Variants in ELFN1 observed in about 807,000 individuals in gnomAD.
ELFN1 encodes protein ELFN1.
Under a neutral mutation model 7.6 loss-of-function variants are expected in ELFN1, and 6 were observed. The ratio of observed to expected loss-of-function variants is 0.79; its 90% CI spans 0.43 to 1.56. The LOEUF is 1.56. ELFN1 is among the 40% of genes most tolerant of loss of function. The pLI is 0.01. For missense variants in ELFN1, 1,169 were observed against 1,232.2 expected, an observed-to-expected ratio of 0.95 and a Z score of 0.77; for synonymous variants, 657 against 588.1, an observed-to-expected ratio of 1.12 and a Z score of -1.70.
chr7:1,679,353 C>A (rs371483298), intron 1 of ELFN1, among the ~76,000 whole-genome samples: 1 of 152,160 alleles, frequency 6.6e-6, no homozygotes, highest in Non-Finnish European at 1.5e-5. Context: ...CCCCTCCCTG[C>A]AGGAGGCTCT....
chr7:1,731,706 C>T, intron 3 of ELFN1, among the ~76,000 whole-genome samples: 1 of 152,184 alleles, frequency 6.6e-6, no homozygotes, highest in African/African-American at 2.4e-5. Flanking sequence ...GGCTGGGGTG[C>T]AGTGGTGCGA....
chr7:1,717,411 G>C (rs950150682), intron 3 of ELFN1, among the ~76,000 whole-genome samples: 1 of 152,216 alleles, frequency 6.6e-6, no homozygotes, highest in African/African-American at 2.4e-5. Flanking sequence ...TTGCTCAGCT[G>C]ACACGCTGAG....
intron 3 of ELFN1, among the ~76,000 whole-genome samples, chr7:1,717,873 G>A (rs78706194): frequency 8.5e-5 from 13 of 152,172 alleles, no homozygotes; most frequent in East Asian, 3.8e-4. Flanking sequence ...CCCCCTATGC[G>A]CAGAGTACCT....
chr7:1,705,028 C>CA lies in ELFN1; in HGVS notation c.-455-4062dup, dbSNP rs1250620611. ...GCGAGAGGCTCCCAGGCAGAGGGCACAGCAAGTGCAGAGGGCAGAGGTGGA... is the reference window on the plus strand; with the variant it reads ...GCGAGAGGCTCCCAGGCAGAGGGCACAAGCAAGTGCAGAGGGCAGAGGTGGA... On this transcript the variant is annotated intron_variant, in intron 2 of 3. Coordinates refer to ENST00000424383, the MANE Select transcript of ELFN1 (RefSeq NM_001128636.4). The surrounding 1 kb of genome is among the most constrained non-coding windows in gnomAD (Gnocchi z 4.3). Among the ~76,000 whole-genome samples, 1 of 152,142 alleles carries CA rather than the reference C, an allele frequency of 6.6e-6. No individual in the cohort carries two copies. The highest frequency in any genetic ancestry group is 2.4e-5 in the African/African-American group (1 of 41,444).
chr7:1,670,310 G>T lies in ELFN1; in HGVS notation c.-593G>T, dbSNP rs1778738115. On this transcript the variant is annotated 5_prime_UTR_variant, in exon 1 of 4. Transcript: ENST00000424383. This position sits in a 1 kb window ranked among gnomAD's most constrained non-coding sequence, Gnocchi z 6.4. ...GAGCGAAGTTAGAGCTTGAAGGACG[G>T]CGGCGGCTGCGGGCGCAGCCCCGGA... Among the ~76,000 whole-genome samples the T allele has an allele frequency of 1.3e-5, 2 of 151,878 alleles. No individual in the cohort carries two copies. The highest frequency in any genetic ancestry group is 4.8e-5 in the African/African-American group (2 of 41,396).
intron 2 of ELFN1, among the ~76,000 whole-genome samples, chr7:1,706,554 C>T (rs1562367685): frequency 6.6e-6 from 1 of 152,252 alleles, no homozygotes; most frequent in Non-Finnish European, 1.5e-5. Context: ...CTGGGCGTGC[C>T]CCCGGCCTTC....
At position 1,674,694 on chromosome 7, in the gene ELFN1, G is replaced by T. The variant is rs573948239; in HGVS notation, c.-549+4340G>T. 3.6e-4 allele frequency among the ~76,000 whole-genome samples: 55 copies of T among 152,256 alleles called. 3 individuals are homozygous for T. The highest frequency in any genetic ancestry group is 2.9e-5 in the Non-Finnish European group (2 of 68,004). Reference sequence around the variant, plus strand: ...TCTGCCAGTTCCAGGACAGACTCGGGCAGCCACAGTGGGAGAGACTGGTGG... The same window carrying T: ...TCTGCCAGTTCCAGGACAGACTCGGTCAGCCACAGTGGGAGAGACTGGTGG... On this transcript the variant is annotated intron_variant, in intron 1 of 3. Transcript: ENST00000424383.
At chr7:1,707,431 G>A (rs955329469) in intron 2 of ELFN1, among the ~76,000 whole-genome samples, 2 of 152,206 alleles carry the variant, frequency 1.3e-5, no homozygotes, top group African/African-American at 4.8e-5. Flanking sequence ...GGAGGCTGGT[G>A]GGCAAACGCC....
intron 3 of ELFN1, among the ~76,000 whole-genome samples, chr7:1,729,765 C>T (rs1346358409): frequency 6.6e-6 from 1 of 152,248 alleles, no homozygotes; most frequent in African/African-American, 2.4e-5. Flanking sequence ...CTGCCTTGAG[C>T]CCCTATTTAC....
chr7:1,688,871 C>G (rs532181376), intron 2 of ELFN1, among the ~76,000 whole-genome samples: 3 of 152,316 alleles, frequency 2.0e-5, no homozygotes, highest in Admixed American at 1.3e-4. Context: ...TCTCTGACCT[C>G]TGGTCACTGC....
In ELFN1 at chr7:1,746,491, C is replaced by A. The variant is rs1371761770; in HGVS notation, c.1895C>A (p.Ala632Asp). 9.1e-5 allele frequency: 136 copies of A among 1,496,546 alleles called. 1 individual carries two copies. The highest frequency in any genetic ancestry group is 1.1e-4 in the Non-Finnish European group (130 of 1,131,208). 92.7% of individuals were successfully genotyped at this position (1,496,546 alleles called of 1,614,324 possible). A position where few individuals can be genotyped will look rare whatever the true frequency, so the allele number is the denominator to read the frequency against. Residue 632 changes from alanine (A) to aspartate (D), a missense_variant, in exon 4 of 4, where the codon GCC becomes GAC. Around this residue, in one of 2 missense-constraint regions of ELFN1, gnomAD observed 914 missense variants for 872.6 expected, o/e 1.05. Coordinates refer to ENST00000424383, the MANE Select transcript of ELFN1 (RefSeq NM_001128636.4). ...HSLQRHHSVEAAGPPRASTSS... is the reference protein window; with the variant it reads ...HSLQRHHSVEDAGPPRASTSS... Reference sequence around the variant, plus strand: ...CTGCAGCGGCACCACAGCGTGGAGGCCGCCGGGCCCCCTCGTGCCAGCACC... The same window carrying A: ...CTGCAGCGGCACCACAGCGTGGAGGACGCCGGGCCCCCTCGTGCCAGCACC...
At chr7:1,736,683 G>A (rs1406039952) in intron 3 of ELFN1, among the ~76,000 whole-genome samples, 2 of 152,136 alleles carry the variant, frequency 1.3e-5, no homozygotes, top group South Asian at 2.1e-4. Context: ...ACCAGGCGCC[G>A]CACACAATCC....
intron 3 of ELFN1, among the ~76,000 whole-genome samples, chr7:1,736,277 C>T (rs1008332199): frequency 3.9e-5 from 6 of 152,196 alleles, no homozygotes; most frequent in East Asian, 1.9e-4. Flanking sequence ...CCGCCTCCCC[C>T]ACACGTCTGG....
chr7:1,693,460 C>T (rs185434984), intron 2 of ELFN1: 16 of 471,212 alleles, frequency 3.4e-5, no homozygotes, highest in African/African-American at 1.8e-4. Flanking sequence ...CTGCCTGGTG[C>T]ACCCAGACAG....
chr7:1,715,393 C>T (rs1051349454), intron 3 of ELFN1, among the ~76,000 whole-genome samples: 13 of 152,282 alleles, frequency 8.5e-5, no homozygotes, highest in African/African-American at 2.9e-4. Context: ...CATAGGAGCC[C>T]GGCACAAGGG....
At chr7:1,707,310 C>A (rs1779555367) in intron 2 of ELFN1, among the ~76,000 whole-genome samples, 1 of 152,262 alleles carries the variant, frequency 6.6e-6, no homozygotes, top group South Asian at 2.1e-4. Context: ...TGCAGGCTGG[C>A]TGCACACGCC....
chr7:1,710,273 G>A (rs927551951), intron 3 of ELFN1, among the ~76,000 whole-genome samples: 2 of 152,156 alleles, frequency 1.3e-5, no homozygotes, highest in African/African-American at 4.8e-5. Flanking sequence ...CATTACATGG[G>A]GGGACAGACA....
At chr7:1,728,300 C>T (rs577097096) in intron 3 of ELFN1, among the ~76,000 whole-genome samples, 1 of 152,372 alleles carries the variant, frequency 6.6e-6, no homozygotes, top group East Asian at 1.9e-4. Flanking sequence ...TGCACCCTTC[C>T]CAGAGGCTCA....
At chr7:1,704,833 G>C (rs1344798486) in intron 2 of ELFN1, among the ~76,000 whole-genome samples, 1 of 152,096 alleles carries the variant, frequency 6.6e-6, no homozygotes, top group Admixed American at 6.5e-5. Context: ...GGTGTGGGCT[G>C]GGCAGGCCCC....
Sources: gnomAD v4.1 joint callset for allele counts (sites outside exome capture counted in the v4.1 genomes callset) on GRCh38, gnomAD v4.1.1 for gene constraint, gnomAD v4.1.1 regional missense constraint, Gnocchi (gnomAD v3.1) non-coding constraint, MANE v1.5 for transcripts, NCBI Gene and HGNC (gene_info 2026-07-23, HGNC 2026-07-21) for gene names.